CR1: variants seen among roughly 807,000 people sequenced by gnomAD.
CR1 encodes the protein complement C3b/C4b receptor 1 (Knops blood group).
CR1 carries 116 observed loss-of-function variants against 187.3 expected under a neutral mutation model. The ratio of observed to expected loss-of-function variants is 0.62; its 90% CI spans 0.53 to 0.72. The LOEUF is 0.72. CR1 is among the 30% of genes least tolerant of loss of function. The probability of loss-of-function intolerance (pLI) is 0.00; values close to 1 mark genes in which losing one functional copy is unlikely to be tolerated. For synonymous variants in CR1, 576 were observed against 747.1 expected (o/e 0.77, Z 3.73); for missense variants, 1,731 against 2,110.7 (o/e 0.82, Z 3.52).
intron 37 of CR1, 126 bp from the exon 38 acceptor site, chr1:207,611,551 T>A (rs1341437146): frequency 4.8e-5 from 67 of 1,385,428 alleles, no homozygotes; most frequent in Non-Finnish European, 5.7e-5. Flanking sequence ...GCTACTGAAC[T>A]ACCAATCTTC....
intron 45 of CR1, among the ~76,000 whole-genome samples, chr1:207,627,328 T>C (rs1662513536): frequency 6.6e-6 from 1 of 152,216 alleles, no homozygotes; most frequent in Non-Finnish European, 1.5e-5. Context: ...GGGATTTTTG[T>C]CCTATCTTCA....
chr1:207,581,205 G>T (rs35939676), intron 31 of CR1, among the ~76,000 whole-genome samples: 23,110 of 138,084 alleles, frequency 0.17, 2,875 homozygotes, highest in South Asian at 0.42. Context: ...CGTATATGTA[G>T]ACGTATACAT....
intron 46 of CR1, among the ~76,000 whole-genome samples, chr1:207,633,449 T>A (rs1443193037): frequency 1.3e-5 from 2 of 152,242 alleles, no homozygotes; most frequent in East Asian, 3.8e-4. Context: ...CTGCTTTTTT[T>A]ACCAAATGAC....
At chr1:207,521,114 T>C (rs146171684) in intron 4 of CR1, among the ~76,000 whole-genome samples, 6 of 151,896 alleles carry the variant, frequency 4.0e-5, no homozygotes, top group Non-Finnish European at 8.8e-5. Context: ...GTAGCTGCAA[T>C]TACAGGCCTG....
rs1313730807 is a variant in CR1 at position 207,566,435 on chromosome 1, G to A, written c.3952+512G>A. On this transcript the variant is annotated intron_variant, in intron 24 of 46. Coordinates refer to ENST00000367049, the MANE Select transcript of CR1 (RefSeq NM_000651.6). ...TCAATATTTATTGATCACATACTTTGTGCCTGATGTTCATCTAGCCACTGG... is the reference window on the plus strand; with the variant it reads ...TCAATATTTATTGATCACATACTTTATGCCTGATGTTCATCTAGCCACTGG... Among the ~76,000 whole-genome samples, 2 of 149,872 alleles carry A rather than the reference G, an allele frequency of 1.3e-5. 1 individual carries two copies. Among genetic ancestry groups the A allele is most frequent in the African/African-American group, 5.1e-5 (2 of 39,482 alleles).
Position 207,496,303 on chromosome 1 carries a change from C to A in CR1, c.36C>A (p.Val12=), listed in dbSNP as rs996388913. 1 of 1,613,594 alleles carries A rather than the reference C, an allele frequency of 6.2e-7. No individual in the cohort carries two copies. Among genetic ancestry groups the A allele is most frequent in the African/African-American group, 1.3e-5 (1 of 74,920 alleles). ...CTTCTCCAAGAAGCCCGGAGCCTGT[C>A]GGGCCGCCGGCGCCCGGTCTCCCCT... The part of the protein sequence containing the change: ...GASSPRSPEP[V]GPPAPGLPFC... Residue 12 remains valine, a synonymous_variant, in exon 1 of 47, where the codon GTC becomes GTA. Transcript: ENST00000367049.
At chr1:207,575,785 C>G (rs1660726087) in intron 28 of CR1, 105 bp downstream of exon 28, 1 of 1,554,412 alleles carries the variant, frequency 6.4e-7, no homozygotes, top group Non-Finnish European at 8.9e-7. Flanking sequence ...TGGTATCCTT[C>G]TGATATTTGA....
intron 33 of CR1, 143 bp downstream of exon 33, chr1:207,585,019 A>C: frequency 2.3e-6 from 3 of 1,323,062 alleles, no homozygotes; most frequent in Non-Finnish European, 3.1e-6. Context: ...ACCATAGCTA[A>C]AACAGATGGG....
rs531415536 is a variant in CR1 at position 207,496,638 on chromosome 1, T to C, written c.121+250T>C. ...GGGGCTTAAGTCGTGACGAGCGCAG[T>C]GGAAGGCGCAGATGCTGAGCGGGTG... On this transcript the variant is annotated intron_variant, in intron 1 of 46. Transcript: ENST00000367049. Among the ~76,000 whole-genome samples, 89 of 152,268 alleles carry C rather than the reference T, an allele frequency of 5.8e-4. 1 individual carries two copies. The highest frequency in any genetic ancestry group is 8.3e-4 in the South Asian group (4 of 4,814).
chr1:207,526,664 A>T, intron 5 of CR1, 89 bp from the exon 6 acceptor site: 1 of 1,481,692 alleles, frequency 6.7e-7, no homozygotes, highest in Non-Finnish European at 9.0e-7. Flanking sequence ...TTATATATAG[A>T]TTTGTAATTA....
chr1:207,584,736 C>T lies in CR1; in HGVS notation c.5390C>T (p.Ser1797Phe). The change falls in exon 33 of 47, where the codon TCT becomes TTT. Residue 1797 changes from serine (S) to phenylalanine (F), a missense_variant. Transcript: ENST00000367049. ...SGDIPYGKEI[S>F]YTCDPHPDRG... ...GATATTCCCTATGGAAAAGAAATAT[C>T]TTACACATGTGACCCCCACCCAGAC... is the stretch of plus-strand genomic sequence containing the variant. The T allele has an allele frequency of 6.2e-7, 1 of 1,613,870 alleles. No homozygotes were observed.
intron 35 of CR1, among the ~76,000 whole-genome samples, chr1:207,598,502 C>T (rs1392763298): frequency 6.6e-6 from 1 of 151,932 alleles, no homozygotes; most frequent in African/African-American, 2.4e-5. Context: ...TCACTGCAAC[C>T]TCCGCCTCCA....
chr1:207,524,001 G>T lies in CR1; in HGVS notation c.878G>T (p.Cys293Phe), dbSNP rs1264321260. The T allele has an allele frequency of 6.2e-7, 1 of 1,611,790 alleles. No individual in the cohort carries two copies. The highest frequency in any genetic ancestry group is 1.7e-5 in the Admixed American group (1 of 60,012). ...LNKWEPELPS[C>F]SRVCQPPPDV... ...AAATGGGAGCCGGAGCTACCAAGCTGCTCCAGGGGTGAGTCTGACTGAGGC... is the reference window on the plus strand; with the variant it reads ...AAATGGGAGCCGGAGCTACCAAGCTTCTCCAGGGGTGAGTCTGACTGAGGC... Residue 293 changes from cysteine (C) to phenylalanine (F), a missense_variant, in exon 5 of 47, where the codon TGC (cysteine) becomes TTC (phenylalanine). Physicochemically the swap from Cys to Phe is radical, Grantham distance 205. Transcript: ENST00000367049.
At chr1:207,587,647 C>A in intron 34 of CR1, 82 bp downstream of exon 34, 2 of 1,379,662 alleles carry the variant, frequency 1.4e-6, no homozygotes, top group Non-Finnish European at 2.0e-6. Flanking sequence ...GCCTGTAATC[C>A]CATCACTTTG....
intron 3 of CR1, among the ~76,000 whole-genome samples, chr1:207,511,157 A>G (rs1271888653): frequency 6.6e-6 from 1 of 152,156 alleles, no homozygotes; most frequent in African/African-American, 2.4e-5. Context: ...TATTGATAAA[A>G]GCCCATCCAT....
intron 46 of CR1, among the ~76,000 whole-genome samples, chr1:207,633,730 G>C (rs1211015531): frequency 6.6e-6 from 1 of 152,166 alleles, no homozygotes; most frequent in African/African-American, 2.4e-5. Context: ...AACTGAGCAC[G>C]TTAATCAATT....
At position 207,564,386 on chromosome 1, in the gene CR1, A is replaced by G. The variant is rs942358967; in HGVS notation, c.3866+152A>G. 2.1e-4 allele frequency among the ~76,000 whole-genome samples: 31 copies of G among 149,268 alleles called. 3 individuals are homozygous for G. The highest frequency in any genetic ancestry group is 8.0e-4 in the African/African-American group (31 of 38,684). On this transcript the variant is annotated intron_variant, in intron 23 of 46. Transcript: ENST00000367049. ...CTTTCGAAAGTATACCTAGGAAGAA[A>G]GGAAAGAAACATATAGAACTAATAA...
At chr1:207,634,922 T>C (rs556493403) in intron 46 of CR1, among the ~76,000 whole-genome samples, 1 of 152,340 alleles carries the variant, frequency 6.6e-6, no homozygotes, top group South Asian at 2.1e-4. Context: ...GGAAGGAGGC[T>C]GTTTAGTAGC....
intron 46 of CR1, 87 bp from the exon 47 acceptor site, chr1:207,639,310 A>C: frequency 7.8e-7 from 1 of 1,276,164 alleles, no homozygotes; most frequent in Non-Finnish European, 1.1e-6. Context: ...AGTTTAGAAA[A>C]TATCCAAAGC....
Sources: gnomAD v4.1 joint callset for allele counts (sites outside exome capture counted in the v4.1 genomes callset) on GRCh38, gnomAD v4.1.1 for gene constraint, MANE v1.5 for transcripts, NCBI Gene and HGNC (gene_info 2026-07-23, HGNC 2026-07-21) for gene names.